The following DNAJC1 variants were observed in gnomAD, a reference collection of about 807,000 sequenced individuals.
DNAJC1 encodes the protein DnaJ heat shock protein family (Hsp40) member C1.
DNAJC1 carries 58 observed loss-of-function variants against 76.6 expected under a neutral mutation model. The ratio of observed to expected loss-of-function variants is 0.76; its 90% CI spans 0.61 to 0.94. The LOEUF is 0.94. DNAJC1 is among the 40% of genes least tolerant of loss of function. The pLI, the probability that DNAJC1 is intolerant of heterozygous loss-of-function variation, is 0.00. For missense variants in DNAJC1, 689 were observed against 677.3 expected, an observed-to-expected ratio of 1.02 and a Z score of -0.19; for synonymous variants, 258 against 267.9, an observed-to-expected ratio of 0.96 and a Z score of 0.36.
At chr10:21,947,662 G>C (rs1837528446) in intron 1 of DNAJC1, among the ~76,000 whole-genome samples, 1 of 152,144 alleles carries the variant, frequency 6.6e-6, no homozygotes, top group Non-Finnish European at 1.5e-5. Context: ...TGTGCTGGGG[G>C]ATCGGCACCC....
intron 8 of DNAJC1, among the ~76,000 whole-genome samples, chr10:21,820,330 G>C (rs2131658473): frequency 6.6e-6 from 1 of 152,244 alleles, no homozygotes; most frequent in Admixed American, 6.5e-5. Context: ...TCCATCTGAT[G>C]GACATTTGGG....
chr10:21,801,562 G>A (rs1834813543), intron 9 of DNAJC1, among the ~76,000 whole-genome samples: 2 of 152,162 alleles, frequency 1.3e-5, no homozygotes, highest in African/African-American at 4.8e-5. Flanking sequence ...AACCATTGTG[G>A]AAAGCAGTAT....
intron 8 of DNAJC1, among the ~76,000 whole-genome samples, chr10:21,825,021 C>A (rs1440715416): frequency 6.6e-6 from 1 of 152,140 alleles, no homozygotes; most frequent in Non-Finnish European, 1.5e-5. Context: ...GGTGGATCCA[C>A]CTGCCTTGGC....
At chr10:21,874,752 G>C (rs1193328171) in intron 8 of DNAJC1, among the ~76,000 whole-genome samples, 1 of 152,200 alleles carries the variant, frequency 6.6e-6, no homozygotes, top group East Asian at 1.9e-4. Flanking sequence ...AACCACTGAA[G>C]TGTCTGTGCA....
chr10:21,880,691 C>T (rs1836259948), intron 8 of DNAJC1, among the ~76,000 whole-genome samples: 1 of 152,146 alleles, frequency 6.6e-6, no homozygotes, highest in Admixed American at 6.6e-5. Context: ...TGCTGTCATC[C>T]AGGCTTTATT....
intron 3 of DNAJC1, among the ~76,000 whole-genome samples, chr10:21,923,892 T>C (rs192587749): frequency 6.6e-6 from 1 of 152,096 alleles, no homozygotes; most frequent in East Asian, 1.9e-4. Flanking sequence ...ACGTTACAAT[T>C]TTTTGAAATA....
chr10:21,875,265 C>T (rs952430249), intron 8 of DNAJC1, among the ~76,000 whole-genome samples: 6 of 152,172 alleles, frequency 3.9e-5, no homozygotes, highest in Admixed American at 2.6e-4. Flanking sequence ...AAGAGATCCT[C>T]GTGCCCCAGC....
At chr10:21,995,497 C>T (rs955849903) in intron 1 of DNAJC1, among the ~76,000 whole-genome samples, 1 of 152,194 alleles carries the variant, frequency 6.6e-6, no homozygotes, top group African/African-American at 2.4e-5. Context: ...GGCATCTTAA[C>T]GTTGCTCTTC....
At chr10:21,971,916 C>T (rs960410759) in intron 1 of DNAJC1, among the ~76,000 whole-genome samples, 13 of 151,752 alleles carry the variant, frequency 8.6e-5, no homozygotes, top group African/African-American at 2.9e-4. Context: ...AAGAAATTTC[C>T]AATTCTCAGA....
chr10:21,817,147 G>A (rs1327281455), intron 8 of DNAJC1, among the ~76,000 whole-genome samples: 3 of 107,524 alleles, frequency 2.8e-5, no homozygotes, highest in Admixed American at 1.3e-4. Flanking sequence ...GCTACAGAGC[G>A]AGATTCCGTC....
At chr10:21,824,492 T>C (rs1460702407) in intron 8 of DNAJC1, among the ~76,000 whole-genome samples, 1 of 152,222 alleles carries the variant, frequency 6.6e-6, no homozygotes, top group Non-Finnish European at 1.5e-5. Flanking sequence ...GAAGTAAGGC[T>C]GTATAAGTTG....
chr10:21,946,509 A>T (rs908624821), intron 1 of DNAJC1, among the ~76,000 whole-genome samples: 1 of 152,168 alleles, frequency 6.6e-6, no homozygotes, highest in Admixed American at 6.5e-5. Flanking sequence ...AAAAAAGATA[A>T]TTAGTCCCAA....
intron 1 of DNAJC1, among the ~76,000 whole-genome samples, chr10:21,972,849 G>A (rs948192185): frequency 2.0e-5 from 3 of 151,870 alleles, no homozygotes; most frequent in African/African-American, 7.2e-5. Context: ...GGTATTTCAG[G>A]TTGAAAATAG....
chr10:21,856,083 ATTAGAC>A (rs1271688579), intron 8 of DNAJC1, among the ~76,000 whole-genome samples: 1 of 152,192 alleles, frequency 6.6e-6, no homozygotes, highest in African/African-American at 2.4e-5. Flanking sequence ...GGATGGTTGA[ATTAGAC>A]TTAGAGTGGG....
intron 8 of DNAJC1, among the ~76,000 whole-genome samples, chr10:21,816,325 G>A (rs7095134): frequency 8.1e-4 from 123 of 151,872 alleles, no homozygotes; most frequent in African/African-American, 2.7e-3. Flanking sequence ...GTGCCACTGC[G>A]CTCCAGCCTG....
At chr10:21,779,924 T>C (rs1026494175) in intron 9 of DNAJC1, among the ~76,000 whole-genome samples, 5 of 152,126 alleles carry the variant, frequency 3.3e-5, no homozygotes, top group African/African-American at 4.8e-5. Flanking sequence ...CTGAAAACCA[T>C]GGCAAGAGAA....
chr10:21,986,633 T>C (rs1224826432), intron 1 of DNAJC1, among the ~76,000 whole-genome samples: 1 of 152,186 alleles, frequency 6.6e-6, no homozygotes, highest in Non-Finnish European at 1.5e-5. Context: ...ATATGTAATA[T>C]TATATTAATC....
In DNAJC1 at chr10:21,929,011, A is replaced by G. The variant is rs1199031301; in HGVS notation, c.324+29T>C. 6 of 1,345,328 alleles carry G rather than the reference A, an allele frequency of 4.5e-6. No individual in the cohort carries two copies. The Admixed American group carries it at 8.8e-5, about 20-fold the overall frequency. The allele number at this position is 1,345,328 out of a possible 1,614,324, so 83.3% of individuals were successfully genotyped here. On this transcript the variant is annotated intron_variant, in intron 2 of 11. Transcript: ENST00000376980. ...GACATGTTAATACATTTGTCACAAA[A>G]TATATATATAATAGCATATTTCACT...
intron 8 of DNAJC1, among the ~76,000 whole-genome samples, chr10:21,835,439 T>C (rs1354162431): frequency 1.3e-5 from 2 of 152,170 alleles, no homozygotes; most frequent in Non-Finnish European, 2.9e-5. Context: ...TCCAAAGGAA[T>C]GCAGCTCCTC....
Sources: gnomAD v4.1 joint callset for allele counts (sites outside exome capture counted in the v4.1 genomes callset) on GRCh38, gnomAD v4.1.1 for gene constraint, MANE v1.5 for transcripts, NCBI Gene and HGNC (gene_info 2026-07-23, HGNC 2026-07-21) for gene names.